Variants in GDA observed in about 807,000 individuals in gnomAD.
GDA encodes the protein cytoplasmic PSD-95 interactor.
Under a neutral mutation model 59.6 loss-of-function variants are expected in GDA, and 18 were observed. The observed-to-expected ratio is 0.30, with a 90% CI of 0.21 to 0.45. The LOEUF (loss-of-function observed/expected upper bound fraction) is 0.45. Among genes scored for constraint, GDA ranks in the 20% least tolerant of loss-of-function variants. The pLI, the probability that GDA is intolerant of heterozygous loss-of-function variation, is 1.00. For missense variants in GDA, 427 were observed against 552.3 expected (o/e 0.77, Z 2.27); for synonymous variants, 201 against 201.1 (o/e 1.00, Z 0.00).
chr9:72,139,760 A>G (rs1826376324), intron 1 of GDA, among the ~76,000 whole-genome samples: 1 of 152,210 alleles, frequency 6.6e-6, no homozygotes, highest in Non-Finnish European at 1.5e-5. Context: ...TACACAATGC[A>G]TAGCATCTTA....
intron 8 of GDA, among the ~76,000 whole-genome samples, chr9:72,226,913 C>G (rs948654036): frequency 6.6e-6 from 1 of 151,974 alleles, no homozygotes; most frequent in African/African-American, 2.4e-5. Context: ...GTCAGGAGAT[C>G]GAGACCATCC....
chr9:72,159,338 G>A (rs1379745458), intron 1 of GDA, among the ~76,000 whole-genome samples: 4 of 152,074 alleles, frequency 2.6e-5, no homozygotes, highest in South Asian at 2.1e-4. Context: ...AGGTTGCAGT[G>A]AGCCGAAATT....
At chr9:72,235,074 AC>A (rs935315125) in intron 10 of GDA, among the ~76,000 whole-genome samples, 7 of 152,228 alleles carry the variant, frequency 4.6e-5, no homozygotes. Flanking sequence ...AAATAATGGC[AC>A]AATATGATGT....
downstream of GDA, chr9:72,257,316 T>C (rs918360724): frequency 3.3e-4 from 49 of 148,724 alleles, no homozygotes; most frequent in Admixed American, 1.2e-3. Context: ...ATAGCCGAGG[T>C]TGCCTTAAGT....
At chr9:72,203,686 C>T (rs1443711402) in intron 3 of GDA, among the ~76,000 whole-genome samples, 1 of 152,176 alleles carries the variant, frequency 6.6e-6, no homozygotes, top group Non-Finnish European at 1.5e-5. Context: ...CCATTGATTC[C>T]TCCTAAGGTG....
intron 1 of GDA, among the ~76,000 whole-genome samples, chr9:72,117,481 A>C (rs1182681823): frequency 1.3e-5 from 2 of 152,146 alleles, no homozygotes; most frequent in East Asian, 3.9e-4. Context: ...TGCCAAGGGT[A>C]AGCTCAAACT....
At chr9:72,124,154 C>T (rs1825770268) in intron 1 of GDA, among the ~76,000 whole-genome samples, 1 of 152,078 alleles carries the variant, frequency 6.6e-6, no homozygotes, top group South Asian at 2.1e-4. Context: ...AGAACTTTTC[C>T]AGGCTATATA....
At chr9:72,233,540 G>T (rs1274663254) in intron 10 of GDA, among the ~76,000 whole-genome samples, 2 of 152,168 alleles carry the variant, frequency 1.3e-5, no homozygotes, top group Admixed American at 6.5e-5. Flanking sequence ...CTACTTTGGA[G>T]AATGTTTTGG....
chr9:72,227,728 T>G (rs927803012), intron 8 of GDA, among the ~76,000 whole-genome samples: 3 of 152,174 alleles, frequency 2.0e-5, no homozygotes, highest in Non-Finnish European at 2.9e-5. Context: ...CTCCACAAAT[T>G]TCCTGAGACT....
chr9:72,168,459 A>G (rs111401962), intron 1 of GDA, among the ~76,000 whole-genome samples: 121 of 142,240 alleles, frequency 8.5e-4, no homozygotes, highest in Middle Eastern at 3.9e-3. Context: ...CAGTGATACG[A>G]TCTCAGCTCA....
chr9:72,245,835 T>G (rs1840084642), intron 12 of GDA, among the ~76,000 whole-genome samples: 1 of 152,230 alleles, frequency 6.6e-6, no homozygotes, highest in South Asian at 2.1e-4. Flanking sequence ...TTTGTTTCTC[T>G]TATTATAAAA....
At chr9:72,177,582 A>C (rs1236080335) in intron 1 of GDA, among the ~76,000 whole-genome samples, 1 of 150,202 alleles carries the variant, frequency 6.7e-6, no homozygotes, top group African/African-American at 2.5e-5. Context: ...TTTGCAAAAG[A>C]AAAAAAAACA....
In GDA at chr9:72,248,866, T is replaced by G. The variant is rs1840418946; in HGVS notation, c.*524T>G. On this transcript the variant is annotated 3_prime_UTR_variant, in exon 14 of 14. Transcript: ENST00000358399. ...ATACTAATTTAAAAAGAGAACTTGT[T>G]GAAATTTAAAACGTGTTTCTAGGTT... The G allele has an allele frequency of 2.0e-6, 2 of 985,300 alleles. No individual in the cohort carries two copies. The highest frequency in any genetic ancestry group is 1.2e-6 in the Non-Finnish European group (1 of 829,292). 61.0% of individuals were successfully genotyped at this position (985,300 alleles called of 1,614,324 possible).
intron 1 of GDA, among the ~76,000 whole-genome samples, chr9:72,194,916 A>C (rs1283191463): frequency 6.6e-6 from 1 of 152,166 alleles, no homozygotes; most frequent in Non-Finnish European, 1.5e-5. Context: ...ACAGAACAGC[A>C]CTGAGTTCGG....
intron 1 of GDA, among the ~76,000 whole-genome samples, chr9:72,174,785 C>T (rs551793206): frequency 6.6e-6 from 1 of 151,208 alleles, no homozygotes; most frequent in South Asian, 2.1e-4. Context: ...GAGAGACAGA[C>T]AGACAGACAG....
chr9:72,184,289 T>A (rs564691671), intron 1 of GDA, among the ~76,000 whole-genome samples: 1 of 152,368 alleles, frequency 6.6e-6, no homozygotes, highest in East Asian at 1.9e-4. Flanking sequence ...GACACTTGTA[T>A]AATGATGTAT....
chr9:72,143,069 A>C (rs1826498751), intron 1 of GDA, among the ~76,000 whole-genome samples: 1 of 149,306 alleles, frequency 6.7e-6, no homozygotes, highest in Admixed American at 6.7e-5. Flanking sequence ...GTACCTGGCT[A>C]GAATACCTTT....
chr9:72,150,807 G>A (rs1409831280), intron 1 of GDA, among the ~76,000 whole-genome samples: 2 of 152,164 alleles, frequency 1.3e-5, no homozygotes, highest in African/African-American at 2.4e-5. Context: ...CGTTCAGGGA[G>A]CCTGCTGTTG....
At chr9:72,225,087 G>A (rs1460092140) in intron 7 of GDA, among the ~76,000 whole-genome samples, 3 of 152,142 alleles carry the variant, frequency 2.0e-5, no homozygotes, top group African/African-American at 7.2e-5. Flanking sequence ...TTTGAGACCA[G>A]CCTGGCCAAC....
Sources: allele counts gnomAD v4.1 joint callset (sites outside exome capture counted in the v4.1 genomes callset), GRCh38; gene constraint gnomAD v4.1.1; transcripts MANE v1.5; gene names NCBI Gene and HGNC (gene_info 2026-07-23, HGNC 2026-07-21).